Variants in OSBPL8 observed in about 807,000 individuals in gnomAD.
OSBPL8 encodes oxysterol-binding protein-related protein 8.
A neutral mutation model predicts 125.5 loss-of-function variants in OSBPL8; 59 were observed. The ratio of observed to expected loss-of-function variants is 0.47; its 90% CI spans 0.38 to 0.58. OSBPL8 has a LOEUF of 0.58. Among genes scored for constraint, OSBPL8 ranks in the 20% least tolerant of loss-of-function variants. The pLI is 0.00. For missense variants in OSBPL8, 758 were observed against 1,047.8 expected (o/e 0.72, Z 3.82); for synonymous variants, 330 against 338.9 (o/e 0.97, Z 0.29).
At chr12:76,548,584 C>A (rs188097632) in intron 1 of OSBPL8, among the ~76,000 whole-genome samples, 2 of 152,092 alleles carry the variant, frequency 1.3e-5, no homozygotes, top group African/African-American at 4.8e-5. Flanking sequence ...GAAAGCTAAG[C>A]GGAGGTGTGG....
chr12:76,514,945 T>G (rs1428543110), intron 1 of OSBPL8, among the ~76,000 whole-genome samples: 1 of 152,250 alleles, frequency 6.6e-6, no homozygotes, highest in East Asian at 1.9e-4. Flanking sequence ...CTGTTGTTAA[T>G]ACTTGTGATT....
At chr12:76,481,033 A>G (rs1877415333) in intron 2 of OSBPL8, among the ~76,000 whole-genome samples, 2 of 152,068 alleles carry the variant, frequency 1.3e-5, no homozygotes, top group African/African-American at 4.8e-5. Context: ...ATAACAAAAG[A>G]CAAAGGTTGA....
chr12:76,498,887 G>A (rs940355763), intron 1 of OSBPL8, among the ~76,000 whole-genome samples: 23 of 151,954 alleles, frequency 1.5e-4, no homozygotes, highest in African/African-American at 4.6e-4. Context: ...GCCCAGCTAC[G>A]TTTATTGTTT....
intron 2 of OSBPL8, among the ~76,000 whole-genome samples, chr12:76,466,885 G>A (rs184971321): frequency 2.6e-5 from 4 of 151,874 alleles, no homozygotes; most frequent in Admixed American, 6.5e-5. Flanking sequence ...GCTTGAACCC[G>A]GGGGCGGGGG....
At chr12:76,525,574 C>T (rs1214483577) in intron 1 of OSBPL8, among the ~76,000 whole-genome samples, 1 of 152,022 alleles carries the variant, frequency 6.6e-6, no homozygotes, top group African/African-American at 2.4e-5. Context: ...AACTTTAAAA[C>T]GTCTACTCTC....
At position 76,375,373 on chromosome 12, in the gene OSBPL8, AAAGG is replaced by A. The variant is rs1418711521; in HGVS notation, c.1730-7_1730-4del. ...TGTCATTGTACCATAAAGAATTCCT[AAAGG>A]AAAAAGATTTGACAAAAAATTGAAA... On this transcript the variant is annotated splice_polypyrimidine_tract_variant and splice_region_variant and intron_variant, in intron 16 of 23. Transcript: ENST00000261183. 4 of 1,604,814 alleles carry A rather than the reference AAAGG, an allele frequency of 2.5e-6. No individual in the cohort carries two copies. The African/African-American group carries it at 5.4e-5, about 21-fold the overall frequency.
At chr12:76,508,372 G>A (rs549512226) in intron 1 of OSBPL8, among the ~76,000 whole-genome samples, 2 of 152,304 alleles carry the variant, frequency 1.3e-5, no homozygotes, top group African/African-American at 4.8e-5. Context: ...CAGACTGCAT[G>A]TATGGCAGTG....
intron 2 of OSBPL8, among the ~76,000 whole-genome samples, chr12:76,466,240 T>G (rs890919372): frequency 6.6e-6 from 1 of 152,142 alleles, no homozygotes; most frequent in African/African-American, 2.4e-5. Flanking sequence ...GTATGCATTA[T>G]TTTTATAGTC....
chr12:76,433,653 T>C (rs1388378772), intron 4 of OSBPL8, among the ~76,000 whole-genome samples: 1 of 152,014 alleles, frequency 6.6e-6, no homozygotes, highest in Non-Finnish European at 1.5e-5. Flanking sequence ...GCCATCACTA[T>C]CAAAATCCCA....
At chr12:76,535,847 G>A (rs139946110) in intron 1 of OSBPL8, among the ~76,000 whole-genome samples, 5 of 152,154 alleles carry the variant, frequency 3.3e-5, no homozygotes, top group East Asian at 1.9e-4. Context: ...AACAGAACCC[G>A]AATCAGTCAT....
chr12:76,409,643 A>C (rs777558527), intron 5 of OSBPL8, among the ~76,000 whole-genome samples: 1 of 152,176 alleles, frequency 6.6e-6, no homozygotes, highest in Non-Finnish European at 1.5e-5. Context: ...TATAAATACA[A>C]AGTACTTTTA....
intron 4 of OSBPL8, among the ~76,000 whole-genome samples, chr12:76,437,473 G>A (rs1257114193): frequency 1.3e-5 from 2 of 152,086 alleles, no homozygotes; most frequent in Non-Finnish European, 2.9e-5. Flanking sequence ...ATGTCTTTTG[G>A]ACATCTTTCT....
chr12:76,457,409 C>T (rs1874188565), intron 3 of OSBPL8, among the ~76,000 whole-genome samples: 1 of 152,164 alleles, frequency 6.6e-6, no homozygotes, highest in African/African-American at 2.4e-5. Flanking sequence ...AAACTAGTAC[C>T]TACATATATT....
chr12:76,556,214 CA>C, intron 1 of OSBPL8, among the ~76,000 whole-genome samples: 1 of 152,216 alleles, frequency 6.6e-6, no homozygotes, highest in South Asian at 2.1e-4. Context: ...CAATGGTGAG[CA>C]AAACAGACAA....
At chr12:76,457,449 CT>C (rs1226730775) in intron 3 of OSBPL8, among the ~76,000 whole-genome samples, 3 of 151,972 alleles carry the variant, frequency 2.0e-5, no homozygotes, top group Non-Finnish European at 4.4e-5. Context: ...CTAACCTTTC[CT>C]TTATTTTTTC....
intron 1 of OSBPL8, among the ~76,000 whole-genome samples, chr12:76,492,691 G>T (rs1379478124): frequency 6.6e-6 from 1 of 152,158 alleles, no homozygotes; most frequent in Non-Finnish European, 1.5e-5. Context: ...AATGCCTGAT[G>T]GTCTGTAACT....
intron 1 of OSBPL8, among the ~76,000 whole-genome samples, chr12:76,554,259 CT>C (rs1236171065): frequency 2.6e-5 from 4 of 152,178 alleles, no homozygotes; most frequent in Non-Finnish European, 5.9e-5. Flanking sequence ...AAAATCAAGG[CT>C]ATATTCCATC....
chr12:76,538,765 C>T (rs1251862789), intron 1 of OSBPL8, among the ~76,000 whole-genome samples: 4 of 151,646 alleles, frequency 2.6e-5, no homozygotes, highest in African/African-American at 4.8e-5. Context: ...CTGGCCAACA[C>T]GGTGAAATCC....
At chr12:76,453,104 A>G (rs1263705678) in intron 3 of OSBPL8, among the ~76,000 whole-genome samples, 2 of 151,978 alleles carry the variant, frequency 1.3e-5, no homozygotes, top group Non-Finnish European at 2.9e-5. Flanking sequence ...TGAAAAATAT[A>G]GTTTATTGCT....
Sources: gnomAD v4.1 joint callset for allele counts (sites outside exome capture counted in the v4.1 genomes callset) on GRCh38, gnomAD v4.1.1 for gene constraint, MANE v1.5 for transcripts, NCBI Gene and HGNC (gene_info 2026-07-23, HGNC 2026-07-21) for gene names.